The following COQ10A variants were observed in gnomAD, a reference collection of about 807,000 sequenced individuals.
The protein encoded by COQ10A is coenzyme Q-binding protein COQ10 homolog A, mitochondrial.
In COQ10A, 25 loss-of-function variants were observed where a neutral mutation model predicts 26.1. The observed-to-expected ratio is 0.96, with a 90% CI of 0.70 to 1.34. COQ10A has a LOEUF of 1.34. Among genes scored for constraint, COQ10A ranks in the 40% most tolerant of loss-of-function variants. COQ10A has a pLI of 0.00. For missense variants in COQ10A, 312 were observed against 335.4 expected (o/e 0.93, Z 0.54); for synonymous variants, 132 against 124.0 (o/e 1.06, Z -0.43).
Position 56,269,301 on chromosome 12 carries a change from T to G in COQ10A, c.474+50T>G, listed in dbSNP as rs374208133. 289 of 1,589,538 alleles carry G rather than the reference T, an allele frequency of 1.8e-4. No homozygotes were observed. The Middle Eastern group carries it at 1.8e-3, about 10-fold the overall frequency. On this transcript the variant is annotated intron_variant, in intron 3 of 4. Coordinates refer to ENST00000308197, the MANE Select transcript of COQ10A (RefSeq NM_144576.4). ...ACAAGATTTTTTGTTTTTAGCAGTT[T>G]CATATGAAAGTGCTATTTTGGCCTT...
rs566312969 is a variant in COQ10A, at chr12:56,268,048, A to G, written c.281+108A>G. The G allele has an allele frequency of 3.7e-6, 5 of 1,361,162 alleles. No homozygotes were observed. The East Asian group carries it at 9.2e-5, about 25-fold the overall frequency. 84.3% of individuals were successfully genotyped at this position (1,361,162 alleles called of 1,614,324 possible). ...CGGTGGGCAAGATTCATCCCTAGCCATCCCCCTCCCCAGCTACAATACTGA... is the reference window on the plus strand; with the variant it reads ...CGGTGGGCAAGATTCATCCCTAGCCGTCCCCCTCCCCAGCTACAATACTGA... On this transcript the variant is annotated intron_variant, in intron 2 of 4. Coordinates refer to ENST00000308197, the MANE Select transcript of COQ10A (RefSeq NM_144576.4).
At chr12:56,267,645 A>AGAG in intron 1 of COQ10A, 149 bp from the exon 2 acceptor site, 1 of 1,256,356 alleles carries the variant, frequency 8.0e-7, no homozygotes, top group Non-Finnish European at 1.2e-6. Context: ...CTCCCTGGCC[A>AGAG]GAGAGAGCCT....
Position 56,269,262 on chromosome 12 carries a change from T to C in COQ10A, c.474+11T>C, listed in dbSNP as rs1229775246. 1.2e-6 allele frequency: 2 copies of C among 1,607,808 alleles called. No individual in the cohort carries two copies. The highest frequency in any genetic ancestry group is 2.2e-5 in the South Asian group (2 of 90,954). ...CCTCACATGGTCAAGGTGAGGCCTG[T>C]ATGGGAGGGATTGACAAGATTTTTT... On this transcript the variant is annotated intron_variant, in intron 3 of 4. Transcript: ENST00000308197.
At chr12:56,268,139 T>C in intron 2 of COQ10A, 199 bp downstream of exon 2, 1 of 684,328 alleles carries the variant, frequency 1.5e-6, no homozygotes, top group South Asian at 1.9e-5. Flanking sequence ...GTGCATGTGC[T>C]TAAGTGAAAT....
At position 56,270,278 on chromosome 12, in the gene COQ10A, C is replaced by T; in HGVS notation, c.705C>T (p.Ile235=). The T allele has an allele frequency of 6.2e-7, 1 of 1,614,122 alleles. No homozygotes were observed. The highest frequency in any genetic ancestry group is 1.1e-5 in the South Asian group (1 of 91,076). ...CCAAGTTTGGTCCAGAAACAGCCAT[C>T]CCCCGTGAACTGATGTTCCATGAGG... The part of the protein sequence containing the change: ...AATKFGPETA[I]PRELMFHEVH... The change falls in exon 5 of 5, where the codon ATC becomes ATT. Residue 235 remains isoleucine, a synonymous_variant. Transcript: ENST00000308197.
At position 56,270,168 on chromosome 12, in the gene COQ10A, TCTC is replaced by T; in HGVS notation, c.596_598del (p.Ser199del). The stretch of plus-strand genomic sequence containing the variant: ...TTCCCAGATTTCCTTTGAATTTCGT[TCTC>T]TGCTGCACTCCCAGCTGGCCACCAT... On this transcript the variant is annotated inframe_deletion, in exon 5 of 5. Coordinates refer to ENST00000308197, the MANE Select transcript of COQ10A (RefSeq NM_144576.4). The T allele has an allele frequency of 6.2e-7, 1 of 1,613,972 alleles. No homozygotes were observed. The highest frequency in any genetic ancestry group is 8.5e-7 in the Non-Finnish European group (1 of 1,179,884).
Position 56,269,578 on chromosome 12 carries a change from T to G in COQ10A, c.576+17T>G. The G allele has an allele frequency of 6.4e-7, 1 of 1,554,092 alleles. No homozygotes were observed. The highest frequency in any genetic ancestry group is 8.9e-7 in the Non-Finnish European group (1 of 1,125,292). ...GACTTTTCGGTGAGTCAGGAGGTTG[T>G]GTAGCAGAGGACGAGGACTGGGTAT... On this transcript the variant is annotated intron_variant, in intron 4 of 4. Transcript: ENST00000308197.
chr12:56,269,801 A>G, intron 4 of COQ10A: 1 of 526,818 alleles, frequency 1.9e-6, no homozygotes, highest in South Asian at 2.1e-5. Flanking sequence ...CTGATTTTTT[A>G]TTTTTAGTAG....
chr12:56,267,405 C>G lies in COQ10A; in HGVS notation c.134+153C>G, dbSNP rs370671538. On this transcript the variant is annotated intron_variant, in intron 1 of 4. Transcript: ENST00000308197. Reference sequence around the variant, plus strand: ...CGTAGAGCTTTGGATAATGCTTTTGCAAGTTGTACGAGAAGGGAAGTTCTC... The same window carrying G: ...CGTAGAGCTTTGGATAATGCTTTTGGAAGTTGTACGAGAAGGGAAGTTCTC... The G allele has an allele frequency of 3.1e-6, 5 of 1,613,822 alleles. No individual in the cohort carries two copies. The African/African-American group carries it at 6.7e-5, about 22-fold the overall frequency.
rs1447684633 is a variant in COQ10A at position 56,270,195 on chromosome 12, A to G, written c.622A>G (p.Met208Val). The G allele has an allele frequency of 2.5e-6, 4 of 1,614,028 alleles. No individual in the cohort carries two copies. The highest frequency in any genetic ancestry group is 3.4e-6 in the Non-Finnish European group (4 of 1,179,980). Reference protein sequence around the residue: ...RSLLHSQLATMFFDEVVKQNV... With the variant: ...RSLLHSQLATVFFDEVVKQNV... Reference sequence around the variant, plus strand: ...TCTGCTGCACTCCCAGCTGGCCACCATGTTTTTTGATGAGGTTGTCAAACA... The same window carrying G: ...TCTGCTGCACTCCCAGCTGGCCACCGTGTTTTTTGATGAGGTTGTCAAACA... The change falls in exon 5 of 5, where the codon ATG (methionine) becomes GTG (valine). Residue 208 changes from methionine (M) to valine (V), a missense_variant. Transcript: ENST00000308197.
chr12:56,268,658 T>G (rs544692308), intron 2 of COQ10A: 2 of 175,302 alleles, frequency 1.1e-5, no homozygotes, highest in Non-Finnish European at 2.5e-5. Context: ...TACATAGATA[T>G]TTCTCATTTA....
Position 56,267,073 on chromosome 12 carries a change from G to A in COQ10A, c.-46G>A. ...GCCGCTCCGCCTTTGGAGTGAGGAG[G>A]GCGCAGCCCGCGTCAGAACTTAGAG... is the stretch of plus-strand genomic sequence containing the variant. On this transcript the variant is annotated 5_prime_UTR_variant, in exon 1 of 5. Coordinates refer to ENST00000308197, the MANE Select transcript of COQ10A (RefSeq NM_144576.4). 14 of 1,256,654 alleles carry A rather than the reference G, an allele frequency of 1.1e-5. No homozygotes were observed. Among genetic ancestry groups the A allele is most frequent in the Non-Finnish European group, 1.3e-5 (13 of 1,002,080 alleles). 77.8% of individuals were successfully genotyped at this position (1,256,654 alleles called of 1,614,324 possible).
Position 56,270,569 on chromosome 12 carries a change from T to C in COQ10A, c.*252T>C. ...TAGGAGCACCATATGCCTGCAGCCT[T>C]TTCACTACGAATTAGAATAAGGACT... On this transcript the variant is annotated 3_prime_UTR_variant, in exon 5 of 5. Transcript: ENST00000308197. 1 of 438,640 alleles carries C rather than the reference T, an allele frequency of 2.3e-6. No homozygotes were observed. Among genetic ancestry groups the C allele is most frequent in the Non-Finnish European group, 4.1e-6 (1 of 244,548 alleles). 27.2% of individuals were successfully genotyped at this position (438,640 alleles called of 1,614,324 possible).
chr12:56,269,338 C>G (rs1872439667), intron 3 of COQ10A, 87 bp downstream of exon 3: 2 of 1,488,204 alleles, frequency 1.3e-6, no homozygotes, highest in Non-Finnish European at 1.9e-6. Context: ...CTTGTAAGTA[C>G]TTTATGTCCA....
chr12:56,269,534 T>C lies in COQ10A; in HGVS notation c.549T>C (p.Tyr183=), dbSNP rs778445231. ...GATTCAGCCCTGGTATTCCTGCCTA[T>C]CCTCGAACCTGCACTGTGGACTTTT... ...IWRFSPGIPA[Y]PRTCTVDFSI... Residue 183 remains tyrosine, a synonymous_variant, in exon 4 of 5, where the codon TAT becomes TAC. Transcript: ENST00000308197. 2 of 1,614,120 alleles carry C rather than the reference T, an allele frequency of 1.2e-6. No individual in the cohort carries two copies. The highest frequency in any genetic ancestry group is 2.2e-5 in the South Asian group (2 of 91,086).
rs2135903370 is a variant in COQ10A at position 56,267,077 on chromosome 12, C to T, written c.-42C>T. 7.9e-7 allele frequency: 1 copy of T among 1,260,066 alleles called. No individual in the cohort carries two copies. The highest frequency in any genetic ancestry group is 1.0e-6 in the Non-Finnish European group (1 of 1,004,258). The allele number at this position is 1,260,066 out of a possible 1,614,324, so 78.1% of individuals were successfully genotyped here. A position where few individuals can be genotyped will look rare whatever the true frequency, so the allele number is the denominator to read the frequency against. On this transcript the variant is annotated 5_prime_UTR_variant, in exon 1 of 5. Transcript: ENST00000308197. ...CTCCGCCTTTGGAGTGAGGAGGGCG[C>T]AGCCCGCGTCAGAACTTAGAGGGCC...
chr12:56,268,099 C>T (rs1489291242), intron 2 of COQ10A, 159 bp downstream of exon 2: 3 of 905,770 alleles, frequency 3.3e-6, no homozygotes, highest in African/African-American at 1.7e-5. Context: ...TGCCACTCTT[C>T]CGACCTTAAT....
At chr12:56,269,721 G>A (rs975922273) in intron 4 of COQ10A, among the ~76,000 whole-genome samples, 160 bp downstream of exon 4, 2 of 152,192 alleles carry the variant, frequency 1.3e-5, no homozygotes, top group African/African-American at 4.8e-5. Context: ...TCCACCTTCT[G>A]GGTTCAAGCG....
Position 56,270,453 on chromosome 12 carries a change from A to G in COQ10A, c.*136A>G, listed in dbSNP as rs928521769. 4 of 912,940 alleles carry G rather than the reference A, an allele frequency of 4.4e-6. No homozygotes were observed. The allele number at this position is 912,940 out of a possible 1,614,324, so 56.6% of individuals were successfully genotyped here. A position where few individuals can be genotyped will look rare whatever the true frequency, so the allele number is the denominator to read the frequency against. On this transcript the variant is annotated 3_prime_UTR_variant, in exon 5 of 5. Coordinates refer to ENST00000308197, the MANE Select transcript of COQ10A (RefSeq NM_144576.4). The stretch of plus-strand genomic sequence containing the variant: ...TGTTTCTCCTCTCAATTTCCCAGAA[A>G]TTGGGTTCTATGCTGGCTGGAAATG...
Sources: gnomAD v4.1 joint callset for allele counts (sites outside exome capture counted in the v4.1 genomes callset) on GRCh38, gnomAD v4.1.1 for gene constraint, MANE v1.5 for transcripts, NCBI Gene and HGNC (gene_info 2026-07-23, HGNC 2026-07-21) for gene names.